IQGAP2: variants seen among roughly 807,000 people sequenced by gnomAD.
The protein encoded by IQGAP2 is ras GTPase-activating-like protein IQGAP2.
A neutral mutation model predicts 201.3 loss-of-function variants in IQGAP2; 173 were observed. The observed-to-expected ratio is 0.86, with a 90% CI of 0.76 to 0.98. IQGAP2 has a LOEUF of 0.98. Ranked by LOEUF, IQGAP2 falls within the 50% of genes least tolerant of loss-of-function variation. The pLI is 0.00. For synonymous variants in IQGAP2, 675 were observed against 673.9 expected, an observed-to-expected ratio of 1.00 and a Z score of -0.03; for missense variants, 1,687 against 1,864.8, an observed-to-expected ratio of 0.90 and a Z score of 1.76.
intron 13 of IQGAP2, chr5:76,616,123 A>G (rs1748939586): frequency 6.6e-6 from 1 of 152,620 alleles, no homozygotes; most frequent in South Asian, 2.1e-4. Context: ...TTGATTGTTC[A>G]TGGAATTAAA....
chr5:76,654,649 G>T (rs994904484), intron 19 of IQGAP2, among the ~76,000 whole-genome samples: 5 of 152,226 alleles, frequency 3.3e-5, no homozygotes, highest in Admixed American at 2.0e-4. Flanking sequence ...AGAGATATGG[G>T]AACATAGATT....
At chr5:76,626,984 AGCCCC>A (rs1426313993) in intron 13 of IQGAP2, among the ~76,000 whole-genome samples, 1 of 152,068 alleles carries the variant, frequency 6.6e-6, no homozygotes, top group African/African-American at 2.4e-5. Flanking sequence ...ATGCCGTTGG[AGCCCC>A]GCCATCCCTG....
chr5:76,547,644 C>T (rs2039682474), intron 2 of IQGAP2, among the ~76,000 whole-genome samples: 2 of 152,180 alleles, frequency 1.3e-5, no homozygotes, highest in South Asian at 4.1e-4. Flanking sequence ...TATGCGTAAG[C>T]CTCAGATGAC....
At chr5:76,509,497 C>T (rs954219513) in intron 2 of IQGAP2, among the ~76,000 whole-genome samples, 1 of 151,664 alleles carries the variant, frequency 6.6e-6, no homozygotes, top group East Asian at 1.9e-4. Flanking sequence ...CCCGGTTTCA[C>T]GCCATTCTTC....
intron 2 of IQGAP2, among the ~76,000 whole-genome samples, chr5:76,475,976 T>G (rs1171582250): frequency 6.6e-6 from 1 of 151,850 alleles, no homozygotes; most frequent in African/African-American, 2.4e-5. Context: ...GAAGCCAGGA[T>G]GGGAAAGATG....
chr5:76,511,111 C>T (rs749310684), intron 2 of IQGAP2, among the ~76,000 whole-genome samples: 12 of 152,146 alleles, frequency 7.9e-5, no homozygotes, highest in Non-Finnish European at 1.6e-4. Context: ...TTTATATAAC[C>T]CTATTATATG....
chr5:76,703,813 C>A (rs1408256631), intron 35 of IQGAP2, among the ~76,000 whole-genome samples: 1 of 152,126 alleles, frequency 6.6e-6, no homozygotes, highest in African/African-American at 2.4e-5. Flanking sequence ...AAACTACTTA[C>A]AAAATGGTTT....
At chr5:76,706,823 G>A (rs897780624) in intron 35 of IQGAP2, among the ~76,000 whole-genome samples, 1 of 152,130 alleles carries the variant, frequency 6.6e-6, no homozygotes, top group Non-Finnish European at 1.5e-5. Flanking sequence ...AATCACTTGG[G>A]AATTTATTAA....
At chr5:76,486,566 G>T (rs1340144318) in intron 2 of IQGAP2, among the ~76,000 whole-genome samples, 2 of 152,068 alleles carry the variant, frequency 1.3e-5, no homozygotes, top group South Asian at 4.1e-4. Context: ...CTTAAATAGC[G>T]CTGAAGGCCT....
chr5:76,404,507 G>A (rs1235994420), intron 1 of IQGAP2: 18 of 985,248 alleles, frequency 1.8e-5, no homozygotes, highest in Non-Finnish European at 2.2e-5. Flanking sequence ...GTTAATCTTT[G>A]CCCAGGCTGG....
chr5:76,620,053 C>G (rs1031330400), intron 13 of IQGAP2, among the ~76,000 whole-genome samples: 6 of 152,114 alleles, frequency 3.9e-5, no homozygotes, highest in African/African-American at 1.4e-4. Flanking sequence ...ATGAACACAA[C>G]CCCACCAACA....
At chr5:76,452,619 A>G (rs1396605849) in intron 1 of IQGAP2, among the ~76,000 whole-genome samples, 1 of 152,156 alleles carries the variant, frequency 6.6e-6, no homozygotes, top group Non-Finnish European at 1.5e-5. Flanking sequence ...AATTCACACA[A>G]ATCTATCTGC....
intron 11 of IQGAP2, among the ~76,000 whole-genome samples, chr5:76,601,173 T>A (rs956998400): frequency 6.6e-6 from 1 of 152,244 alleles, no homozygotes; most frequent in African/African-American, 2.4e-5. Flanking sequence ...CAGAAAGTGA[T>A]CATCCTGTGG....
chr5:76,589,705 A>G lies in IQGAP2; in HGVS notation c.617A>G (p.Glu206Gly). Reference protein sequence around the residue: ...FSKIGGILANELSVDEAALHA... With the variant: ...FSKIGGILANGLSVDEAALHA... Reference sequence around the variant, plus strand: ...AAAATAGGTGGTATTCTGGCCAATGAACTGTCCGTGGATGAAGCTGCATGT... The same window carrying G: ...AAAATAGGTGGTATTCTGGCCAATGGACTGTCCGTGGATGAAGCTGCATGT... The change falls in exon 7 of 36, where the codon GAA (glutamate) becomes GGA (glycine). Residue 206 changes from glutamate to glycine, a missense_variant. By Grantham distance (98) the Glu-to-Gly change is moderately conservative. Coordinates refer to ENST00000274364, the MANE Select transcript of IQGAP2 (RefSeq NM_006633.5). The G allele has an allele frequency of 6.2e-7, 1 of 1,604,740 alleles. No homozygotes were observed. The highest frequency in any genetic ancestry group is 8.5e-7 in the Non-Finnish European group (1 of 1,175,164).
chr5:76,597,670 A>C, intron 10 of IQGAP2, 68 bp downstream of exon 10: 1 of 1,532,838 alleles, frequency 6.5e-7, no homozygotes, highest in Non-Finnish European at 9.0e-7. Flanking sequence ...AGGGAAGCCT[A>C]GTTAGGAAAG....
chr5:76,655,374 A>G (rs1015607446), intron 20 of IQGAP2, among the ~76,000 whole-genome samples: 58 of 152,202 alleles, frequency 3.8e-4, no homozygotes, highest in South Asian at 1.0e-3. Flanking sequence ...ACATAGTCTC[A>G]TCTCCCAAAA....
chr5:76,612,418 C>A (rs529683396), intron 13 of IQGAP2, among the ~76,000 whole-genome samples: 2 of 152,230 alleles, frequency 1.3e-5, no homozygotes, highest in East Asian at 3.9e-4. Flanking sequence ...ATCTCTTGAA[C>A]CGAGAGGTAG....
chr5:76,534,199 A>C (rs1433700144), intron 2 of IQGAP2, among the ~76,000 whole-genome samples: 1 of 152,232 alleles, frequency 6.6e-6, no homozygotes, highest in African/African-American at 2.4e-5. Context: ...TGTTTGTGGA[A>C]AGCCAGTAGC....
At chr5:76,589,311 CAAAAAA>C (rs35291690) in intron 6 of IQGAP2, among the ~76,000 whole-genome samples, 1 of 106,806 alleles carries the variant, frequency 9.4e-6, no homozygotes, top group African/African-American at 3.5e-5. Context: ...GACTCTGCCT[CAAAAAA>C]AAAAAAAAAA....
Sources: gnomAD v4.1 joint callset for allele counts (sites outside exome capture counted in the v4.1 genomes callset) on GRCh38, gnomAD v4.1.1 for gene constraint, MANE v1.5 for transcripts, NCBI Gene and HGNC (gene_info 2026-07-23, HGNC 2026-07-21) for gene names.